The following FBRSL1 variants were observed in gnomAD, a reference collection of about 807,000 sequenced individuals.
FBRSL1 encodes fibrosin-1-like protein.
FBRSL1 carries 51 observed loss-of-function variants against 89.6 expected under a neutral mutation model. That is an observed-to-expected ratio of 0.57 (90% confidence interval 0.45 to 0.72). FBRSL1 has a LOEUF of 0.72. FBRSL1 is among the 30% of genes least tolerant of loss of function. The pLI is 0.00. For missense variants in FBRSL1, 1,618 were observed against 1,451.8 expected (o/e 1.11, Z -1.86); for synonymous variants, 779 against 681.1 (o/e 1.14, Z -2.24).
chr12:132,524,705 T>G (rs919737777), intron 2 of FBRSL1, among the ~76,000 whole-genome samples: 5 of 152,184 alleles, frequency 3.3e-5, no homozygotes, highest in African/African-American at 1.2e-4. Context: ...CAGATCCAAG[T>G]TGGCCAGAGA....
At chr12:132,508,002 C>T in intron 1 of FBRSL1, 151 bp from the exon 2 acceptor site, 2 of 750,934 alleles carry the variant, frequency 2.7e-6, no homozygotes, top group Non-Finnish European at 4.2e-6. Context: ...CCCTCCCATC[C>T]CCCGTCCCAC....
chr12:132,577,157 C>G (rs1340898030), intron 15 of FBRSL1, among the ~76,000 whole-genome samples: 1 of 152,082 alleles, frequency 6.6e-6, no homozygotes, highest in African/African-American at 2.4e-5. Flanking sequence ...CCCCACCAGC[C>G]TCCCCAGGGT....
chr12:132,566,460 G>A (rs2039627320), intron 5 of FBRSL1: 1 of 140,570 alleles, frequency 7.1e-6, no homozygotes, highest in African/African-American at 2.7e-5. Context: ...TCTATTTAAG[G>A]TCATTCTTAT....
intron 9 of FBRSL1, 32 bp from the exon 10 acceptor site, chr12:132,572,256 C>T (rs534466086): frequency 8.7e-5 from 135 of 1,546,532 alleles, no homozygotes; most frequent in East Asian, 6.4e-4. Context: ...GTCGTGTGTG[C>T]GGGGCCTCAC....
intron 1 of FBRSL1, among the ~76,000 whole-genome samples, chr12:132,491,944 C>G (rs1029484401): frequency 6.6e-6 from 1 of 152,200 alleles, no homozygotes; most frequent in African/African-American, 2.4e-5. Context: ...GGGTGGTGGC[C>G]AGGCTCATCA....
intron 5 of FBRSL1, among the ~76,000 whole-genome samples, chr12:132,557,095 T>G (rs1477909303): frequency 6.6e-6 from 1 of 152,206 alleles, no homozygotes. Context: ...CTGTGTGCTC[T>G]GCACTCCTGG....
chr12:132,509,721 C>G, intron 2 of FBRSL1: 12 of 1,231,388 alleles, frequency 9.7e-6, no homozygotes, highest in Non-Finnish European at 1.2e-5. Context: ...CCGCTGCCGA[C>G]CCCTGCGGCC....
rs1227701346 is a variant in FBRSL1, at chr12:132,583,973, T to TG, written c.*198dup. The TG allele has an allele frequency of 1.4e-5, 4 of 282,482 alleles. No homozygotes were observed. The highest frequency in any genetic ancestry group is 5.3e-5 in the Admixed American group (1 of 18,740). The allele number at this position is 282,482 out of a possible 1,614,324, so 17.5% of individuals were successfully genotyped here. A position where few individuals can be genotyped will look rare whatever the true frequency, so the allele number is the denominator to read the frequency against. ...TTTTCCGAGTTTGGGATTCGGCTGT[T>TG]GGGAAAAAAAAATCGCGTTTGTACC... On this transcript the variant is annotated 3_prime_UTR_variant, in exon 19 of 19. Coordinates refer to ENST00000680143, the MANE Select transcript of FBRSL1 (RefSeq NM_001367871.1).
At chr12:132,580,952 T>C in intron 15 of FBRSL1, 2 of 985,460 alleles carry the variant, frequency 2.0e-6, no homozygotes, top group Non-Finnish European at 1.2e-6. Context: ...TGCTGTGGGC[T>C]GGGCCTGTGC....
rs2032731301 is a variant in FBRSL1 at position 132,500,147 on chromosome 12, G to C, written c.292-8006G>C. Reference sequence around the variant, plus strand: ...TCTGCGGGAGCCATCAAGCGTCTGGGGCTGGGAGCCGCACGCCGTGACCCT... The same window carrying C: ...TCTGCGGGAGCCATCAAGCGTCTGGCGCTGGGAGCCGCACGCCGTGACCCT... On this transcript the variant is annotated intron_variant, in intron 1 of 18. Coordinates refer to ENST00000680143, the MANE Select transcript of FBRSL1 (RefSeq NM_001367871.1). 2.6e-5 allele frequency among the ~76,000 whole-genome samples: 4 copies of C among 152,324 alleles called. No homozygotes were observed. In the South Asian group the frequency reaches 8.3e-4, roughly 32 times the overall value.
chr12:132,536,342 G>A (rs1425377544), intron 4 of FBRSL1, among the ~76,000 whole-genome samples: 3 of 151,656 alleles, frequency 2.0e-5, no homozygotes, highest in South Asian at 2.1e-4. Context: ...TGTGTGCCAC[G>A]TGTACATGAC....
Position 132,582,159 on chromosome 12 carries a change from C to G in FBRSL1, c.2094C>G (p.Pro698=). Residue 698 remains proline, a synonymous_variant, in exon 18 of 19, where the codon CCC becomes CCG. Coordinates refer to ENST00000680143, the MANE Select transcript of FBRSL1 (RefSeq NM_001367871.1). ...GGAACCGACTGCACCGGGCACCGCC[C>G]TCCTTCCCGGCTCCGCCCCCGTGGC... is the stretch of plus-strand genomic sequence containing the variant. ...EAWNRLHRAP[P]SFPAPPPWPK... 6.5e-7 allele frequency: 1 copy of G among 1,550,084 alleles called. No individual in the cohort carries two copies. Among genetic ancestry groups the G allele is most frequent in the Non-Finnish European group, 8.7e-7 (1 of 1,146,820 alleles).
chr12:132,551,849 G>A (rs1329293876), intron 5 of FBRSL1: 2 of 342,674 alleles, frequency 5.8e-6, no homozygotes, highest in African/African-American at 4.3e-5. Flanking sequence ...AGTGTGGGGT[G>A]AAGAGCGATA....
chr12:132,537,091 A>C (rs1019305999), intron 4 of FBRSL1, among the ~76,000 whole-genome samples: 1 of 152,116 alleles, frequency 6.6e-6, no homozygotes, highest in African/African-American at 2.4e-5. Flanking sequence ...AGACAGCTGG[A>C]GGGCCAGAGC....
At chr12:132,521,537 C>T (rs2035356098) in intron 2 of FBRSL1, among the ~76,000 whole-genome samples, 1 of 152,190 alleles carries the variant, frequency 6.6e-6, no homozygotes, top group Admixed American at 6.5e-5. Flanking sequence ...CCCCGACTCT[C>T]ACCCTCGCTC....
intron 2 of FBRSL1, among the ~76,000 whole-genome samples, chr12:132,519,249 T>G (rs2035134285): frequency 6.6e-6 from 1 of 152,240 alleles, no homozygotes; most frequent in Non-Finnish European, 1.5e-5. Context: ...ACCCCACTTC[T>G]CTTTTAGAGA....
chr12:132,582,363 TCTCCCCGTTTCCTCTC>T (rs1398181433), intron 18 of FBRSL1, 97 bp downstream of exon 18: 26 of 985,176 alleles, frequency 2.6e-5, no homozygotes, highest in Non-Finnish European at 3.7e-5. Context: ...CGTTCCCTCT[TCTCCCCGTTTCCTCTC>T]CCTCACCGTT....
intron 17 of FBRSL1, 21 bp downstream of exon 17, chr12:132,581,845 C>A: frequency 6.6e-7 from 1 of 1,517,358 alleles, no homozygotes; most frequent in Non-Finnish European, 8.9e-7. Context: ...CAGCCTGTGC[C>A]CCCCTCCCCC....
chr12:132,528,064 A>G, intron 4 of FBRSL1, 76 bp downstream of exon 4: 1 of 1,365,548 alleles, frequency 7.3e-7, no homozygotes, highest in Non-Finnish European at 1.0e-6. Flanking sequence ...CACCTGTCCG[A>G]GGCCCCACAA....
Sources: gnomAD v4.1 joint callset for allele counts (sites outside exome capture counted in the v4.1 genomes callset) on GRCh38, gnomAD v4.1.1 for gene constraint, MANE v1.5 for transcripts, NCBI Gene and HGNC (gene_info 2026-07-23, HGNC 2026-07-21) for gene names.